Variants in MCTP1 observed in about 807,000 individuals in gnomAD.
MCTP1 encodes multiple C2 and transmembrane domain-containing protein 1.
In MCTP1, 69 loss-of-function variants were observed where a neutral mutation model predicts 120.6. That is an observed-to-expected ratio of 0.57 (90% CI 0.47 to 0.70). The LOEUF is 0.70. Among genes scored for constraint, MCTP1 ranks in the 30% least tolerant of loss-of-function variants. The probability of loss-of-function intolerance (pLI) is 0.00; values close to 1 mark genes in which losing one functional copy is unlikely to be tolerated. For synonymous variants in MCTP1, 529 were observed against 493.1 expected (o/e 1.07, Z -0.96); for missense variants, 1,203 against 1,248.8 (o/e 0.96, Z 0.55).
intron 6 of MCTP1, among the ~76,000 whole-genome samples, chr5:94,925,764 CA>C: frequency 6.6e-6 from 1 of 151,910 alleles, no homozygotes; most frequent in Non-Finnish European, 1.5e-5. Flanking sequence ...GGAAACAGAA[CA>C]AAAAACAGAA....
intron 3 of MCTP1, among the ~76,000 whole-genome samples, chr5:94,947,576 AT>A: frequency 1.8e-5 from 1 of 56,902 alleles, no homozygotes; most frequent in Admixed American, 1.9e-4. Context: ...ATATATATAT[AT>A]AGAGAGAGAG....
At chr5:95,132,612 G>A (rs1490559288) in intron 1 of MCTP1, among the ~76,000 whole-genome samples, 1 of 152,096 alleles carries the variant, frequency 6.6e-6, no homozygotes, top group Non-Finnish European at 1.5e-5. Context: ...GCAGTCCCGC[G>A]ACCTCAGCAC....
chr5:94,948,978 T>C (rs1341065472), intron 3 of MCTP1, among the ~76,000 whole-genome samples: 2 of 152,092 alleles, frequency 1.3e-5, no homozygotes, highest in Non-Finnish European at 2.9e-5. Context: ...TAAGCTTGGA[T>C]AGAAATGAAT....
rs765548267 is a variant in MCTP1, at chr5:95,017,361, T to G, written c.838+6A>C. 1 of 1,583,418 alleles carries G rather than the reference T, an allele frequency of 6.3e-7. No individual in the cohort carries two copies. The highest frequency in any genetic ancestry group is 8.6e-7 in the Non-Finnish European group (1 of 1,156,220). ...CTTCTAGGTGATATTGCTCTTATGC[T>G]CTTACCTCCTCGATCTCGAGCAGCT... is the stretch of plus-strand genomic sequence containing the variant. On this transcript the variant is annotated splice_donor_region_variant and intron_variant, in intron 2 of 22. Transcript: ENST00000515393.
intron 1 of MCTP1, among the ~76,000 whole-genome samples, chr5:95,232,158 T>TAAAA (rs35731165): frequency 7.5e-5 from 5 of 66,966 alleles, no homozygotes; most frequent in Admixed American, 1.7e-4. Flanking sequence ...AAGTGATCAC[T>TAAAA]AAAAAAAAAA....
intron 1 of MCTP1, among the ~76,000 whole-genome samples, chr5:95,191,018 G>C (rs1224699219): frequency 6.6e-6 from 1 of 151,974 alleles, no homozygotes; most frequent in Non-Finnish European, 1.5e-5. Context: ...ATAATTTTAA[G>C]CTAGTTTATG....
intron 1 of MCTP1, among the ~76,000 whole-genome samples, chr5:95,098,571 G>A (rs1756457074): frequency 6.6e-6 from 1 of 151,888 alleles, no homozygotes. Flanking sequence ...CAAGGGATGT[G>A]AAGGACCTCT....
chr5:95,202,744 T>C (rs1022789848), intron 1 of MCTP1, among the ~76,000 whole-genome samples: 2 of 152,164 alleles, frequency 1.3e-5, no homozygotes, highest in Non-Finnish European at 2.9e-5. Context: ...TTTTCTTTTT[T>C]TGAGATGGAG....
At chr5:95,141,700 C>T (rs1759945311) in intron 1 of MCTP1, among the ~76,000 whole-genome samples, 2 of 152,034 alleles carry the variant, frequency 1.3e-5, no homozygotes, top group African/African-American at 4.8e-5. Context: ...ATCTTTCTCT[C>T]TCCCTCCCTC....
chr5:94,925,469 C>T (rs1031668368), intron 6 of MCTP1, among the ~76,000 whole-genome samples: 17 of 151,764 alleles, frequency 1.1e-4, no homozygotes, highest in East Asian at 3.9e-4. Flanking sequence ...AGTGCAGTGG[C>T]GCAATCTCGG....
At chr5:94,798,155 C>T (rs967730750) in intron 18 of MCTP1, among the ~76,000 whole-genome samples, 18 of 151,012 alleles carry the variant, frequency 1.2e-4, no homozygotes, top group African/African-American at 3.9e-4. Flanking sequence ...CTCATGTTTG[C>T]CAACCTTTAA....
At chr5:95,248,299 T>G (rs2152692833) in intron 1 of MCTP1, among the ~76,000 whole-genome samples, 1 of 152,314 alleles carries the variant, frequency 6.6e-6, no homozygotes, top group East Asian at 1.9e-4. Flanking sequence ...AAAATCTCCT[T>G]AAGCTGATAA....
intron 1 of MCTP1, among the ~76,000 whole-genome samples, chr5:95,251,062 AAC>A (rs1230569436): frequency 6.6e-6 from 1 of 152,182 alleles, no homozygotes; most frequent in Non-Finnish European, 1.5e-5. Flanking sequence ...ACTTTTGGTA[AAC>A]ACAGATTTAG....
At chr5:94,988,141 T>G (rs1226856137) in intron 2 of MCTP1, among the ~76,000 whole-genome samples, 1 of 152,238 alleles carries the variant, frequency 6.6e-6, no homozygotes, top group Non-Finnish European at 1.5e-5. Context: ...TTCTATTTAC[T>G]TACTTTAACA....
chr5:95,166,208 T>A lies in MCTP1; in HGVS notation c.720+117648A>T, dbSNP rs564033244. 24 of 152,338 alleles carry A rather than the reference T, an allele frequency of 1.6e-4. No individual in the cohort carries two copies. In the East Asian group the frequency reaches 4.1e-3, roughly 26 times the overall value. The allele number at this position is 152,338 out of a possible 1,614,324, so 9.4% of individuals were successfully genotyped here. On this transcript the variant is annotated intron_variant, in intron 1 of 22. Transcript: ENST00000515393. ...ACCTGGCTTTTTGCACTTTTTCCCCTATGGACAAAATGAACTTAGTGTGTT... is the reference window on the plus strand; with the variant it reads ...ACCTGGCTTTTTGCACTTTTTCCCCAATGGACAAAATGAACTTAGTGTGTT...
At chr5:94,924,117 T>C (rs1195835542) in intron 6 of MCTP1, 96 bp from the exon 7 acceptor site, 1 of 685,524 alleles carries the variant, frequency 1.5e-6, no homozygotes, top group African/African-American at 1.9e-5. Flanking sequence ...AAATAAAAAA[T>C]CGAAAATTAT....
intron 17 of MCTP1, among the ~76,000 whole-genome samples, chr5:94,851,240 GA>G (rs1280645999): frequency 1.3e-5 from 2 of 151,976 alleles, no homozygotes; most frequent in Non-Finnish European, 2.9e-5. Context: ...CAATTATAAA[GA>G]AATTCCAACT....
At chr5:94,883,019 T>C (rs1309899709) in intron 12 of MCTP1, among the ~76,000 whole-genome samples, 1 of 152,204 alleles carries the variant, frequency 6.6e-6, no homozygotes, top group African/African-American at 2.4e-5. Flanking sequence ...TTTCCTATAA[T>C]TAGAATTTGG....
Position 94,723,530 on chromosome 5 carries a change from T to A in MCTP1, c.2611-8644A>T, listed in dbSNP as rs1177995301. Among the ~76,000 whole-genome samples the A allele has an allele frequency of 5.3e-5, 8 of 151,618 alleles. No homozygotes were observed. The Admixed American group carries it at 5.3e-4, about 10-fold the overall frequency. ...CTTTATAATGTTACACTGAGATTTT[T>A]TTTCCCTTCTGCTGACTTGGCAGAG... is the stretch of plus-strand genomic sequence containing the variant. On this transcript the variant is annotated intron_variant, in intron 19 of 22. Transcript: ENST00000515393.
Sources: allele counts gnomAD v4.1 joint callset (sites outside exome capture counted in the v4.1 genomes callset), GRCh38; gene constraint gnomAD v4.1.1; transcripts MANE v1.5; gene names NCBI Gene and HGNC (gene_info 2026-07-23, HGNC 2026-07-21).